The following FAM184A variants were observed in gnomAD, a reference collection of about 807,000 sequenced individuals.
FAM184A encodes the protein protein FAM184A.
In FAM184A, 99 loss-of-function variants were observed where a neutral mutation model predicts 143.8. That is an observed-to-expected ratio of 0.69 (90% confidence interval 0.58 to 0.81). The LOEUF is 0.81. Among genes scored for constraint, FAM184A ranks in the 40% least tolerant of loss-of-function variants. The probability of loss-of-function intolerance (pLI) is 0.00; values close to 1 mark genes in which losing one functional copy is unlikely to be tolerated. For synonymous variants in FAM184A, 427 were observed against 446.4 expected, an observed-to-expected ratio of 0.96 and a Z score of 0.55; for missense variants, 1,217 against 1,310.5, an observed-to-expected ratio of 0.93 and a Z score of 1.10.
chr6:119,049,446 C>T (rs2114742936), intron 1 of FAM184A, among the ~76,000 whole-genome samples: 1 of 152,206 alleles, frequency 6.6e-6, no homozygotes. Flanking sequence ...GACACTTTGT[C>T]TCAAAAAATA....
intron 1 of FAM184A, chr6:119,058,112 T>C (rs1381190937): frequency 2.6e-5 from 4 of 150,960 alleles, no homozygotes; most frequent in Non-Finnish European, 4.4e-5. Flanking sequence ...CCATCCCACA[T>C]GCTCTTCTAC....
chr6:119,050,280 A>G (rs1305181827), intron 1 of FAM184A, among the ~76,000 whole-genome samples: 5 of 152,154 alleles, frequency 3.3e-5, no homozygotes, highest in Non-Finnish European at 7.3e-5. Context: ...AATTCCTCAA[A>G]GAGCTAAAAA....
At chr6:119,085,647 G>C (rs55919736) in intron 1 of FAM184A, among the ~76,000 whole-genome samples, 1 of 152,034 alleles carries the variant, frequency 6.6e-6, no homozygotes, top group African/African-American at 2.4e-5. Flanking sequence ...TTACAGCAAC[G>C]CCCCACTCTT....
At chr6:119,119,248 C>T (rs1348700963) in intron 1 of FAM184A, among the ~76,000 whole-genome samples, 2 of 152,250 alleles carry the variant, frequency 1.3e-5, no homozygotes, top group African/African-American at 2.4e-5. Context: ...CGATCTCGCC[C>T]TGCCTCCATT....
At chr6:119,022,590 T>C (rs1490604131) in intron 3 of FAM184A, among the ~76,000 whole-genome samples, 3 of 152,132 alleles carry the variant, frequency 2.0e-5, no homozygotes, top group Non-Finnish European at 4.4e-5. Context: ...ATTTAAGTGT[T>C]GGGGCCGAGC....
intron 1 of FAM184A, among the ~76,000 whole-genome samples, chr6:119,055,787 G>A (rs1429222355): frequency 1.3e-5 from 2 of 151,846 alleles, no homozygotes; most frequent in African/African-American, 4.8e-5. Flanking sequence ...ACTTATTATG[G>A]GCTTCATCTA....
At position 119,088,942 on chromosome 6, in the gene FAM184A, G is replaced by A. The variant is rs116910477; in HGVS notation, c.-202+60136C>T. ...TCTTGGTTGGTATTCTGGGTCTCAT[G>A]TTGCCACTAAGCCACCTCTTTTCTT... is the stretch of plus-strand genomic sequence containing the variant. On this transcript the variant is annotated intron_variant, in intron 1 of 16. Coordinates refer to the FAM184A transcript ENST00000352896. Among the ~76,000 whole-genome samples, 322 of 152,250 alleles carry A rather than the reference G, an allele frequency of 2.1e-3. 1 individual carries two copies. The highest frequency in any genetic ancestry group is 2.7e-3 in the Non-Finnish European group (186 of 68,026).
chr6:119,016,839 A>T lies in FAM184A; in HGVS notation c.1438T>A (p.Ser480Thr), dbSNP rs1031320867. Residue 480 changes from serine to threonine, a missense_variant, in exon 5 of 18, where the codon TCT becomes ACT. Transcript: ENST00000338891. ...CAAGCTAATTCTTCCAAAGTCTTAG[A>T]ATGGGCCTCGTTTAATTGAGTCACC... ...EEVTQLNEAH[S>T]KTLEELAWKH... 1 of 1,614,116 alleles carries T rather than the reference A, an allele frequency of 6.2e-7. No individual in the cohort carries two copies. Among genetic ancestry groups the T allele is most frequent in the South Asian group, 1.1e-5 (1 of 91,082 alleles).
intron 1 of FAM184A, among the ~76,000 whole-genome samples, chr6:119,105,301 C>T (rs1451707383): frequency 3.9e-5 from 6 of 152,050 alleles, no homozygotes; most frequent in Admixed American, 6.6e-5. Flanking sequence ...GTAATCCCCA[C>T]GTGTTGGAGG....
chr6:118,995,198 C>T (rs1784509360), intron 9 of FAM184A, among the ~76,000 whole-genome samples: 1 of 152,104 alleles, frequency 6.6e-6, no homozygotes, highest in Admixed American at 6.5e-5. Flanking sequence ...CAGTGGATCG[C>T]TTGAGCCCAG....
chr6:119,039,649 G>T (rs191278258), intron 1 of FAM184A, among the ~76,000 whole-genome samples: 32 of 152,292 alleles, frequency 2.1e-4, no homozygotes, highest in African/African-American at 7.5e-4. Context: ...CAGTGTTACA[G>T]GTATCATAGC....
chr6:119,022,984 G>C lies in FAM184A; in HGVS notation c.1111C>G (p.Arg371Gly), dbSNP rs199743200. The C allele has an allele frequency of 1.2e-6, 2 of 1,614,140 alleles. No homozygotes were observed. The highest frequency in any genetic ancestry group is 2.2e-5 in the South Asian group (2 of 91,078). The change falls in exon 3 of 18, where the codon CGT becomes GGT. Residue 371 changes from arginine (R) to glycine (G), a missense_variant. Transcript: ENST00000338891. ...VESELAAARERLQQQASDLVL... is the reference protein window; with the variant it reads ...VESELAAAREGLQQQASDLVL... The stretch of plus-strand genomic sequence containing the variant: ...AGATCTGAAGCTTGCTGTTGTAAAC[G>C]TTCTCTGGCAGCTGCTAGCTCACTT...
intron 9 of FAM184A, among the ~76,000 whole-genome samples, chr6:118,995,876 T>C (rs1784528467): frequency 1.3e-5 from 2 of 152,228 alleles, no homozygotes; most frequent in African/African-American, 4.8e-5. Context: ...TTTTTAAGTG[T>C]GTCCTGGGCT....
chr6:119,046,407 T>G (rs1033748631), intron 1 of FAM184A, among the ~76,000 whole-genome samples: 7 of 151,998 alleles, frequency 4.6e-5, no homozygotes, highest in African/African-American at 1.7e-4. Flanking sequence ...GTATTTTTAG[T>G]AGAGACAGGG....
At chr6:119,096,142 G>A (rs1392837362) in intron 1 of FAM184A, among the ~76,000 whole-genome samples, 1 of 152,108 alleles carries the variant, frequency 6.6e-6, no homozygotes, top group African/African-American at 2.4e-5. Context: ...GGGGAAAAAG[G>A]GTACCTACTG....
At chr6:119,080,733 G>A (rs1405562819), upstream of FAM184A, among the ~76,000 whole-genome samples, 1 of 152,116 alleles carries the variant, frequency 6.6e-6, no homozygotes, top group Admixed American at 6.5e-5. Flanking sequence ...TGTTGTGTTG[G>A]CACTCAACAT....
At chr6:119,017,273 T>G (rs942363499) in intron 4 of FAM184A, among the ~76,000 whole-genome samples, 1 of 151,578 alleles carries the variant, frequency 6.6e-6, no homozygotes, top group African/African-American at 2.4e-5. Context: ...CCGAGGCGGG[T>G]GGATCACGAG....
intron 1 of FAM184A, among the ~76,000 whole-genome samples, chr6:119,106,684 A>G (rs1788793332): frequency 1.3e-5 from 2 of 152,234 alleles, no homozygotes; most frequent in African/African-American, 2.4e-5. Context: ...TCGGTAAATT[A>G]CTTAATCTTT....
intron 2 of FAM184A, 138 bp from the exon 3 acceptor site, chr6:119,023,218 T>C (rs1375987754): frequency 1.2e-6 from 1 of 833,870 alleles, no homozygotes; most frequent in Admixed American, 2.8e-5. Flanking sequence ...CTGTAAGTAT[T>C]AGTGATTTAT....
Sources: allele counts gnomAD v4.1 joint callset (sites outside exome capture counted in the v4.1 genomes callset), GRCh38; gene constraint gnomAD v4.1.1; transcripts MANE v1.5; gene names NCBI Gene and HGNC (gene_info 2026-07-23, HGNC 2026-07-21).